PRCC: variants seen among roughly 807,000 people sequenced by gnomAD.
The protein encoded by PRCC is proline-rich protein PRCC.
Under a neutral mutation model 44.0 loss-of-function variants are expected in PRCC, and 10 were observed. The ratio of observed to expected loss-of-function variants is 0.23; its 90% CI spans 0.14 to 0.39. The LOEUF (loss-of-function observed/expected upper bound fraction) is 0.39, where lower values mean the gene tolerates loss of function less well. Among genes scored for constraint, PRCC ranks in the 10% least tolerant of loss-of-function variants. PRCC has a pLI of 1.00. For missense variants in PRCC, 573 were observed against 624.7 expected, an observed-to-expected ratio of 0.92 and a Z score of 0.88; for synonymous variants, 278 against 259.5, an observed-to-expected ratio of 1.07 and a Z score of -0.69.
rs35911411 is a variant in PRCC at position 156,795,285 on chromosome 1, G to GTTTTTTTTTTTTT, written c.1323+489_1323+501dup. The stretch of plus-strand genomic sequence containing the variant: ...CTTCCAATTGTTTTCATTTTCTGGT[G>GTTTTTTTTTTTTT]TTTTTTTTTTTTTTTTTTTTTTTTC... On this transcript the variant is annotated intron_variant, in intron 5 of 6. Coordinates refer to ENST00000271526, the MANE Select transcript of PRCC (RefSeq NM_005973.5). Among the ~76,000 whole-genome samples the GTTTTTTTTTTTTT allele has an allele frequency of 7.5e-4, 27 of 36,062 alleles. 7 individuals are homozygous for GTTTTTTTTTTTTT. The highest frequency in any genetic ancestry group is 4.0e-3 in the South Asian group (2 of 498). The allele number at this position is 36,062 out of a possible 152,430, so 23.7% of individuals were successfully genotyped here. A position where few individuals can be genotyped will look rare whatever the true frequency, so the allele number is the denominator to read the frequency against.
intron 1 of PRCC, among the ~76,000 whole-genome samples, chr1:156,779,126 A>ATTTTTTTTT (rs1651945225): frequency 3.4e-5 from 1 of 29,334 alleles, no homozygotes; most frequent in African/African-American, 1.3e-4. Context: ...ATATATATAT[A>ATTTTTTTTT]TATTTTTTTT....
At chr1:156,770,423 G>A (rs1651589532) in intron 1 of PRCC, among the ~76,000 whole-genome samples, 1 of 152,238 alleles carries the variant, frequency 6.6e-6, no homozygotes, top group African/African-American at 2.4e-5. Context: ...TGCCCAGGCT[G>A]GAGTGCAATG....
At chr1:156,777,557 A>G (rs150296979) in intron 1 of PRCC, among the ~76,000 whole-genome samples, 66 of 152,318 alleles carry the variant, frequency 4.3e-4, no homozygotes, top group African/African-American at 1.6e-3. Context: ...AGCAGTTAGT[A>G]ATTAAATTCA....
At position 156,791,230 on chromosome 1, in the gene PRCC, A is replaced by C; in HGVS notation, c.1084-467A>C. On this transcript the variant is annotated intron_variant, in intron 3 of 6. Coordinates refer to ENST00000271526, the MANE Select transcript of PRCC (RefSeq NM_005973.5). ...GATCTATAACCTCCCCACCCGGTTT[A>C]GACTGTTTCCCTGTATCCACAGGAC... The C allele has an allele frequency of 6.9e-6, 8 of 1,161,280 alleles. No individual in the cohort carries two copies. In the South Asian group the frequency reaches 9.0e-5, roughly 13 times the overall value. The allele number at this position is 1,161,280 out of a possible 1,614,324, so 71.9% of individuals were successfully genotyped here.
At position 156,767,979 on chromosome 1, in the gene PRCC, C is replaced by A. The variant is rs775602188; in HGVS notation, c.208C>A (p.Pro70Thr). Residue 70 changes from proline (P) to threonine (T), a missense_variant, in exon 1 of 7, where the codon CCA becomes ACA. This residue lies in a region of PRCC where 245 missense variants were observed against 188.5 expected (regional missense o/e 1.30). Coordinates refer to ENST00000271526, the MANE Select transcript of PRCC (RefSeq NM_005973.5). The stretch of plus-strand genomic sequence containing the variant: ...CTTTCCCCCGCCGCTGTTGCTTCCC[C>A]CACCCACCGGAGACCCCAGGCTTCA... ...PAFPPPLLLP[P>T]PTGDPRLQPP... 6.3e-7 allele frequency: 1 copy of A among 1,580,986 alleles called. No homozygotes were observed. The highest frequency in any genetic ancestry group is 1.3e-5 in the African/African-American group (1 of 74,466).
intron 4 of PRCC, 110 bp from the exon 5 acceptor site, chr1:156,794,555 T>C: frequency 7.7e-7 from 1 of 1,306,834 alleles, no homozygotes; most frequent in Non-Finnish European, 1.1e-6. Flanking sequence ...GAACTGAGGG[T>C]GCCTTGGGAT....
At chr1:156,792,485 T>C (rs1296705843) in intron 4 of PRCC, among the ~76,000 whole-genome samples, 8 of 152,196 alleles carry the variant, frequency 5.3e-5, no homozygotes, top group Non-Finnish European at 8.8e-5. Context: ...TCTTGCTTTG[T>C]CGCCCAGGCT....
intron 3 of PRCC, among the ~76,000 whole-genome samples, chr1:156,787,460 TATATA>T (rs1272007290): frequency 5.8e-4 from 1 of 1,736 alleles, no homozygotes; most frequent in African/African-American, 8.6e-4. Context: ...GATATATATA[TATATA>T]TATATATATA....
Position 156,799,993 on chromosome 1 carries a change from A to T in PRCC, c.1390-381A>T, listed in dbSNP as rs149170023. Reference sequence around the variant, plus strand: ...GGAGCCTTTGAGACTGTCCTCTCCTACTCTGCCGGCTGGGTGTCTAAGAGA... The same window carrying T: ...GGAGCCTTTGAGACTGTCCTCTCCTTCTCTGCCGGCTGGGTGTCTAAGAGA... On this transcript the variant is annotated intron_variant, in intron 6 of 6. Transcript: ENST00000271526. Among the ~76,000 whole-genome samples the T allele has an allele frequency of 1.9e-3, 294 of 152,106 alleles. 2 individuals carry two copies. Among genetic ancestry groups the T allele is most frequent in the African/African-American group, 7.0e-3 (289 of 41,472 alleles).
intron 1 of PRCC, among the ~76,000 whole-genome samples, chr1:156,777,263 T>TCCCGCAAAAG (rs2102757008): frequency 6.6e-6 from 1 of 152,238 alleles, no homozygotes; most frequent in Admixed American, 6.5e-5. Flanking sequence ...AGTTTGGTGT[T>TCCCGCAAAAG]CCCGCAAAAG....
chr1:156,776,014 G>A (rs2102756049), intron 1 of PRCC, among the ~76,000 whole-genome samples: 1 of 152,230 alleles, frequency 6.6e-6, no homozygotes, highest in East Asian at 1.9e-4. Flanking sequence ...TGTCATTTAT[G>A]GTGTGTCATG....
rs56916626 is a variant in PRCC at position 156,787,650 on chromosome 1, CTT to C, written c.1083+491_1083+492del. Among the ~76,000 whole-genome samples the C allele has an allele frequency of 6.1e-4, 33 of 54,174 alleles. 2 individuals are homozygous for C. The highest frequency in any genetic ancestry group is 8.4e-4 in the Non-Finnish European group (28 of 33,454). 35.5% of individuals were successfully genotyped at this position (54,174 alleles called of 152,430 possible). A position where few individuals can be genotyped will look rare whatever the true frequency, so the allele number is the denominator to read the frequency against. The stretch of plus-strand genomic sequence containing the variant: ...AGTACCTGATAGGTAGGTTTTTGGC[CTT>C]TTTTTTTTTTTTTTGGAGAAGGAAT... On this transcript the variant is annotated intron_variant, in intron 3 of 6. Transcript: ENST00000271526.
In PRCC at chr1:156,797,313, A is replaced by G; in HGVS notation, c.1361A>G (p.Lys454Arg). The change falls in exon 6 of 7, where the codon AAA becomes AGA. Residue 454 changes from lysine to arginine, a missense_variant. Around this residue, in one of 4 missense-constraint regions of PRCC, gnomAD observed 69 missense variants for 139.3 expected, o/e 0.50. Coordinates refer to ENST00000271526, the MANE Select transcript of PRCC (RefSeq NM_005973.5). ...GEQPTGQQRR[K>R]HQITYLIHQA... The stretch of plus-strand genomic sequence containing the variant: ...CAGCCAACAGGCCAGCAGCGGCGGA[A>G]ACACCAGATCACATATCTTATTCAT... 1.2e-6 allele frequency: 2 copies of G among 1,614,202 alleles called. No homozygotes were observed. The highest frequency in any genetic ancestry group is 1.7e-6 in the Non-Finnish European group (2 of 1,180,032).
rs779619324 is a variant in PRCC at position 156,786,997 on chromosome 1, G to T, written c.906G>T (p.Leu302=). 6.2e-6 allele frequency: 10 copies of T among 1,614,238 alleles called. No individual in the cohort carries two copies. Among genetic ancestry groups the T allele is most frequent in the Non-Finnish European group, 8.5e-7 (1 of 1,180,040 alleles). The change falls in exon 3 of 7, where the codon CTG becomes CTT. Residue 302 remains leucine, a synonymous_variant. Transcript: ENST00000271526. ...PYPIPTVPEE[L]PPGTEPEPAF... ...CCATCCCCACTGTCCCTGAAGAGCTGCCTCCAGGCACGGAACCAGAGCCGG... is the reference window on the plus strand; with the variant it reads ...CCATCCCCACTGTCCCTGAAGAGCTTCCTCCAGGCACGGAACCAGAGCCGG...
chr1:156,795,260 CT>C (rs1652618984), intron 5 of PRCC, among the ~76,000 whole-genome samples: 1 of 131,482 alleles, frequency 7.6e-6, no homozygotes, highest in African/African-American at 2.9e-5. Context: ...TCCTTCCTTC[CT>C]TCCAATTGTT....
chr1:156,784,781 A>G (rs879720815), intron 2 of PRCC, among the ~76,000 whole-genome samples: 1 of 152,152 alleles, frequency 6.6e-6, no homozygotes, highest in Non-Finnish European at 1.5e-5. Flanking sequence ...TCCTTTTCCA[A>G]TTGGCATTTC....
intron 4 of PRCC, among the ~76,000 whole-genome samples, chr1:156,792,721 C>T (rs930621809): frequency 6.6e-6 from 1 of 152,190 alleles, no homozygotes; most frequent in African/African-American, 2.4e-5. Context: ...TCCCAAAGTG[C>T]TGGGATTACA....
chr1:156,789,678 C>G (rs1023540858), intron 3 of PRCC, among the ~76,000 whole-genome samples: 6 of 152,142 alleles, frequency 3.9e-5, no homozygotes, highest in Admixed American at 6.6e-5. Flanking sequence ...GTTTGAATCT[C>G]AAGCTGAGTT....
chr1:156,794,801 T>A lies in PRCC; in HGVS notation c.1316T>A (p.Phe439Tyr). 6.2e-7 allele frequency: 1 copy of A among 1,614,182 alleles called. No homozygotes were observed. Among genetic ancestry groups the A allele is most frequent in the Non-Finnish European group, 8.5e-7 (1 of 1,180,018 alleles). ...SLTEEKTMKS[F>Y]SKKKGEQPTG... ...ACAGAAGAGAAAACCATGAAGTCAT[T>A]CAGCAAAGTAAGTGGGAAACGTCTA... is the stretch of plus-strand genomic sequence containing the variant. Residue 439 changes from phenylalanine to tyrosine, a missense_variant, in exon 5 of 7, where the codon TTC becomes TAC. Phe to Tyr is a conservative substitution (Grantham distance 22). Transcript: ENST00000271526.
Sources: allele counts gnomAD v4.1 joint callset (sites outside exome capture counted in the v4.1 genomes callset), GRCh38; gene constraint gnomAD v4.1.1; regional missense constraint gnomAD v4.1.1; transcripts MANE v1.5; gene names NCBI Gene and HGNC (gene_info 2026-07-23, HGNC 2026-07-21).